Variants in VPS13C observed in about 807,000 individuals in gnomAD.
VPS13C encodes the protein intermembrane lipid transfer protein VPS13C.
VPS13C carries 358 observed loss-of-function variants against 456.8 expected under a neutral mutation model. The observed-to-expected ratio is 0.78, with a 90% CI of 0.72 to 0.86. The LOEUF (loss-of-function observed/expected upper bound fraction) is 0.86. Ranked by LOEUF, VPS13C falls within the 40% of genes least tolerant of loss-of-function variation. The pLI, the probability that VPS13C is intolerant of heterozygous loss-of-function variation, is 0.00. For missense variants in VPS13C, 4,818 were observed against 4,385.4 expected (o/e 1.10, Z -2.79); for synonymous variants, 1,578 against 1,486.7 (o/e 1.06, Z -1.41).
At chr15:61,895,397 C>T (rs544153463) in intron 66 of VPS13C, among the ~76,000 whole-genome samples, 27 of 151,704 alleles carry the variant, frequency 1.8e-4, no homozygotes, top group Non-Finnish European at 3.5e-4. Flanking sequence ...CAAAAAAATA[C>T]AAAAGATCAA....
chr15:61,915,789 C>T lies in VPS13C; in HGVS notation c.8289G>A (p.Arg2763=), dbSNP rs765780602. 1.2e-6 allele frequency: 2 copies of T among 1,614,094 alleles called. No individual in the cohort carries two copies. Among genetic ancestry groups the T allele is most frequent in the Non-Finnish European group, 1.7e-6 (2 of 1,180,016 alleles). The change falls in exon 61 of 85, where the codon CGG becomes CGA. Residue 2763 remains arginine, a synonymous_variant. Coordinates refer to ENST00000644861, the MANE Select transcript of VPS13C (RefSeq NM_020821.3). Reference sequence around the variant, plus strand: ...AGGGACTAAAGACAGACAGCACCATCCGGCTGCCAATTCTCCTGACGTGGA... The same window carrying T: ...AGGGACTAAAGACAGACAGCACCATTCGGCTGCCAATTCTCCTGACGTGGA... ...LSVHVRRIGS[R]MVLSVFSPYW...
chr15:62,056,060 C>G (rs1230081537), intron 1 of VPS13C, among the ~76,000 whole-genome samples: 4 of 152,150 alleles, frequency 2.6e-5, no homozygotes, highest in Non-Finnish European at 4.4e-5. Context: ...CACTGAAAAT[C>G]ACTGCTTTAG....
intron 15 of VPS13C, among the ~76,000 whole-genome samples, chr15:62,003,923 AG>A (rs1183666441): frequency 1.4e-4 from 21 of 151,602 alleles, no homozygotes; most frequent in Non-Finnish European, 3.1e-4. Context: ...TCGGTTTGCC[AG>A]TATTTTATTG....
At chr15:61,977,951 A>G (rs977598935) in intron 23 of VPS13C, among the ~76,000 whole-genome samples, 11 of 152,080 alleles carry the variant, frequency 7.2e-5, no homozygotes, top group Non-Finnish European at 1.5e-4. Flanking sequence ...AACTCTGCAC[A>G]TAGAGACTAT....
chr15:62,013,148 C>A, intron 10 of VPS13C, 29 bp from the exon 11 acceptor site: 1 of 1,494,106 alleles, frequency 6.7e-7, no homozygotes, highest in African/African-American at 1.4e-5. Context: ...AGAGATCAGG[C>A]AATCAACACA....
chr15:61,961,142 A>T (rs1329988700), intron 35 of VPS13C, among the ~76,000 whole-genome samples: 1 of 151,302 alleles, frequency 6.6e-6, no homozygotes, highest in Non-Finnish European at 1.5e-5. Flanking sequence ...TAATCCCAGC[A>T]CTTTGGGGGT....
intron 3 of VPS13C, among the ~76,000 whole-genome samples, chr15:62,037,188 A>T (rs2140671577): frequency 8.7e-6 from 1 of 115,294 alleles, no homozygotes; most frequent in South Asian, 2.3e-4. Flanking sequence ...TATAAATATA[A>T]ATATAATAAA....
intron 45 of VPS13C, 41 bp downstream of exon 45, chr15:61,945,674 T>A: frequency 1.3e-6 from 2 of 1,489,560 alleles, no homozygotes; most frequent in Non-Finnish European, 1.8e-6. Context: ...GCAAAGATAT[T>A]TAGGCCTCAG....
chr15:62,019,070 T>C (rs1325317362), intron 9 of VPS13C, among the ~76,000 whole-genome samples: 3 of 152,338 alleles, frequency 2.0e-5, no homozygotes, highest in Admixed American at 1.3e-4. Context: ...CTAGTTTATT[T>C]GCGTAGAGGT....
At chr15:61,864,791 T>A in intron 81 of VPS13C, 1 of 985,190 alleles carries the variant, frequency 1.0e-6, no homozygotes, top group Non-Finnish European at 1.2e-6. Flanking sequence ...GCGAATTAGT[T>A]AAAATCTTTT....
At chr15:61,976,587 G>A (rs778429406) in intron 24 of VPS13C, among the ~76,000 whole-genome samples, 4 of 151,934 alleles carry the variant, frequency 2.6e-5, no homozygotes, top group Non-Finnish European at 4.4e-5. Flanking sequence ...ATGGTTTCAC[G>A]GCTATATAGC....
chr15:61,998,783 T>C (rs2046484441), intron 16 of VPS13C, among the ~76,000 whole-genome samples: 1 of 152,160 alleles, frequency 6.6e-6, no homozygotes, highest in Non-Finnish European at 1.5e-5. Context: ...ATGAGTACAC[T>C]TATACAAGGA....
intron 42 of VPS13C, 47 bp from the exon 43 acceptor site, chr15:61,947,356 A>AC (rs2044641090): frequency 7.4e-7 from 1 of 1,348,738 alleles, no homozygotes; most frequent in East Asian, 2.4e-5. Flanking sequence ...AAAAGATAAT[A>AC]CAACACATAC....
chr15:61,991,704 C>A lies in VPS13C; in HGVS notation c.1452G>T (p.Lys484Asn). ...FSGLWGKKES[K>N]KKDEESLIPE... ...GAATCAATGATTCTTCGTCCTTTTT[C>A]TTAGACTCTTTCTTACCCCACAACC... is the stretch of plus-strand genomic sequence containing the variant. The change falls in exon 17 of 85, where the codon AAG becomes AAT. Residue 484 changes from lysine to asparagine, a missense_variant. Lys to Asn is a moderately conservative substitution (Grantham distance 94, BLOSUM62 0). This residue lies in a region of VPS13C where 4,552 missense variants were observed against 4,130.6 expected (regional missense o/e 1.10). Coordinates refer to ENST00000644861, the MANE Select transcript of VPS13C (RefSeq NM_020821.3). The A allele has an allele frequency of 6.2e-7, 1 of 1,612,122 alleles. No homozygotes were observed. Among genetic ancestry groups the A allele is most frequent in the Non-Finnish European group, 8.5e-7 (1 of 1,179,016 alleles).
At chr15:62,055,212 A>C (rs1466598383) in intron 1 of VPS13C, among the ~76,000 whole-genome samples, 1 of 151,528 alleles carries the variant, frequency 6.6e-6, no homozygotes, top group East Asian at 1.9e-4. Context: ...ACATTCCAGT[A>C]ATTTTCCCCA....
intron 62 of VPS13C, among the ~76,000 whole-genome samples, chr15:61,912,221 A>G (rs951212351): frequency 6.6e-6 from 1 of 152,244 alleles, no homozygotes; most frequent in Non-Finnish European, 1.5e-5. Flanking sequence ...AATATCAATT[A>G]GTAATTTAAC....
At chr15:61,871,936 T>TA in intron 79 of VPS13C, 53 bp downstream of exon 79, 1 of 1,488,384 alleles carries the variant, frequency 6.7e-7, no homozygotes, top group Non-Finnish European at 9.3e-7. Context: ...CTATGTTTAC[T>TA]AATAGCATCA....
chr15:61,900,879 C>A (rs973942999), intron 66 of VPS13C, among the ~76,000 whole-genome samples: 1 of 151,306 alleles, frequency 6.6e-6, no homozygotes, highest in African/African-American at 2.4e-5. Context: ...GCTACAGTAA[C>A]CAAAACAGCA....
At chr15:61,904,740 C>A (rs2043105874) in intron 66 of VPS13C, among the ~76,000 whole-genome samples, 1 of 151,948 alleles carries the variant, frequency 6.6e-6, no homozygotes, top group Non-Finnish European at 1.5e-5. Flanking sequence ...AAATGTCCAT[C>A]AATAGATGAA....
Sources: allele counts gnomAD v4.1 joint callset (sites outside exome capture counted in the v4.1 genomes callset), GRCh38; gene constraint gnomAD v4.1.1; regional missense constraint gnomAD v4.1.1; transcripts MANE v1.5; gene names NCBI Gene and HGNC (gene_info 2026-07-23, HGNC 2026-07-21).